Variants in MACROD2 observed in about 807,000 individuals in gnomAD.
The protein encoded by MACROD2 is mono-ADP ribosylhydrolase 2, also known as ADP-ribose glycohydrolase MACROD2.
A neutral mutation model predicts 70.4 loss-of-function variants in MACROD2; 36 were observed. That is an observed-to-expected ratio of 0.51 (90% CI 0.39 to 0.68). The LOEUF is 0.68. Among genes scored for constraint, MACROD2 ranks in the 30% least tolerant of loss-of-function variants. The pLI is 0.00. For missense variants in MACROD2, 496 were observed against 538.4 expected, an observed-to-expected ratio of 0.92 and a Z score of 0.78; for synonymous variants, 172 against 178.8, an observed-to-expected ratio of 0.96 and a Z score of 0.30.
rs1011979359 is a variant in MACROD2, at chr20:14,478,659, T to C, written c.272-14820T>C. 5.6e-4 allele frequency among the ~76,000 whole-genome samples: 85 copies of C among 152,150 alleles called. 1 individual carries two copies. Among genetic ancestry groups the C allele is most frequent in the Non-Finnish European group, 1.9e-4 (13 of 68,036 alleles). On this transcript the variant is annotated intron_variant, in intron 3 of 17. Coordinates refer to ENST00000684519, the MANE Select transcript of MACROD2 (RefSeq NM_001351661.2). ...AGGGCCTACTCTCTTTCTCAACTTC[T>C]GGGATCTTTTGGTTTTGTCCCATGG...
intron 4 of MACROD2, among the ~76,000 whole-genome samples, chr20:14,625,407 A>G (rs1235830790): frequency 6.6e-6 from 1 of 152,172 alleles, no homozygotes; most frequent in Admixed American, 6.6e-5. Context: ...TTGAATGGTC[A>G]TGAAGTGTGA....
At chr20:14,436,629 G>A (rs1420163225) in intron 3 of MACROD2, among the ~76,000 whole-genome samples, 1 of 152,156 alleles carries the variant, frequency 6.6e-6, no homozygotes, top group African/African-American at 2.4e-5. Flanking sequence ...CACTCTACAC[G>A]TATGTGACAT....
At chr20:14,687,988 C>T (rs1180654627) in intron 5 of MACROD2, among the ~76,000 whole-genome samples, 1 of 152,108 alleles carries the variant, frequency 6.6e-6, no homozygotes. Flanking sequence ...TTCATTTTCC[C>T]TTTCCCTATC....
chr20:14,871,889 G>T (rs2073492331), intron 5 of MACROD2, among the ~76,000 whole-genome samples: 1 of 151,770 alleles, frequency 6.6e-6, no homozygotes, highest in African/African-American at 2.4e-5. Flanking sequence ...CTGACAAAAT[G>T]GACTTTAAAC....
In MACROD2 at chr20:14,083,735, C is replaced by T. The variant is rs180826015; in HGVS notation, c.164-1886C>T. Among the ~76,000 whole-genome samples, 6 of 152,158 alleles carry T rather than the reference C, an allele frequency of 3.9e-5. No individual in the cohort carries two copies. The East Asian group carries it at 7.8e-4, about 20-fold the overall frequency. On this transcript the variant is annotated intron_variant, in intron 2 of 17. Transcript: ENST00000684519. ...ATGTCATTAACATACAAGTTGCCCA[C>T]ATTATTCTCCTTGTCATTATTACTA...
intron 5 of MACROD2, among the ~76,000 whole-genome samples, chr20:14,715,664 TG>T (rs1209587862): frequency 6.6e-6 from 1 of 152,118 alleles, no homozygotes; most frequent in African/African-American, 2.4e-5. Context: ...TGTTCAGACA[TG>T]GTCAAGCTCT....
chr20:14,028,524 G>A (rs140616180), intron 2 of MACROD2, among the ~76,000 whole-genome samples: 1 of 152,286 alleles, frequency 6.6e-6, no homozygotes, highest in African/African-American at 2.4e-5. Context: ...ACCCAGTTTT[G>A]TGCTTGAAAC....
At chr20:15,281,324 C>T (rs1297814485) in intron 6 of MACROD2, among the ~76,000 whole-genome samples, 1 of 152,176 alleles carries the variant, frequency 6.6e-6, no homozygotes, top group African/African-American at 2.4e-5. Context: ...CCCAAAGTCT[C>T]AACTAATTTC....
At chr20:14,888,865 G>A (rs991903535) in intron 5 of MACROD2, among the ~76,000 whole-genome samples, 2 of 152,090 alleles carry the variant, frequency 1.3e-5, no homozygotes, top group African/African-American at 4.8e-5. Context: ...ATTCTTTCCA[G>A]TATCATAACA....
intron 1 of MACROD2, 134 bp from the exon 2 acceptor site, chr20:14,002,154 C>T (rs2052740575): frequency 6.7e-6 from 3 of 447,932 alleles, no homozygotes; most frequent in Non-Finnish European, 1.2e-5. Context: ...TATGGAGTCA[C>T]TGGATTTGCA....
Position 15,160,364 on chromosome 20 carries a change from G to A in MACROD2, c.419-69576G>A, listed in dbSNP as rs79782561. Among the ~76,000 whole-genome samples the A allele has an allele frequency of 3.3e-5, 5 of 152,164 alleles. No homozygotes were observed. The South Asian group carries it at 1.0e-3, about 32-fold the overall frequency. ...AGGAGCTGTAGACAACAATTCCAAA[G>A]TTTCAACTAAAAACATTGTAGAAAC... is the stretch of plus-strand genomic sequence containing the variant. On this transcript the variant is annotated intron_variant, in intron 5 of 17. Transcript: ENST00000684519.
chr20:15,069,470 G>C (rs2075602315), intron 5 of MACROD2, among the ~76,000 whole-genome samples: 1 of 152,202 alleles, frequency 6.6e-6, no homozygotes, highest in Admixed American at 6.5e-5. Flanking sequence ...GGCCTTGAAG[G>C]CATTTCAGAA....
chr20:14,738,431 G>A (rs2123714811), intron 5 of MACROD2, among the ~76,000 whole-genome samples: 1 of 151,918 alleles, frequency 6.6e-6, no homozygotes, highest in African/African-American at 2.4e-5. Flanking sequence ...TACCCTATCT[G>A]AAACCAAAAA....
chr20:14,735,842 C>T (rs4814321), intron 5 of MACROD2, among the ~76,000 whole-genome samples: 5 of 151,898 alleles, frequency 3.3e-5, no homozygotes, highest in Admixed American at 6.6e-5. Context: ...GAGCCAGACT[C>T]GGACTCAAAA....
At chr20:14,058,623 T>C (rs2053657722) in intron 2 of MACROD2, among the ~76,000 whole-genome samples, 1 of 151,396 alleles carries the variant, frequency 6.6e-6, no homozygotes, top group African/African-American at 2.4e-5. Context: ...ATTTTTCTTT[T>C]TCTTTTTCTT....
At chr20:15,078,111 G>T (rs1303786059) in intron 5 of MACROD2, among the ~76,000 whole-genome samples, 1 of 152,156 alleles carries the variant, frequency 6.6e-6, no homozygotes, top group South Asian at 2.1e-4. Context: ...TGAGCTTGGG[G>T]AGTTTATCGG....
intron 8 of MACROD2, among the ~76,000 whole-genome samples, chr20:15,541,396 T>G (rs943439620): frequency 6.6e-6 from 1 of 152,094 alleles, no homozygotes; most frequent in Non-Finnish European, 1.5e-5. Flanking sequence ...AAGGGCCAAG[T>G]AGAAAAAATA....
chr20:14,264,471 G>T (rs1238002672), intron 3 of MACROD2, among the ~76,000 whole-genome samples: 38 of 152,306 alleles, frequency 2.5e-4, no homozygotes, highest in Non-Finnish European at 1.0e-4. Context: ...GAAGTCAGCA[G>T]TGATTATAAC....
chr20:14,018,413 A>AT (rs1221968933), intron 2 of MACROD2, among the ~76,000 whole-genome samples: 1 of 151,910 alleles, frequency 6.6e-6, no homozygotes, highest in East Asian at 1.9e-4. Flanking sequence ...ATAGCTCTAA[A>AT]TTTTCTCTTA....
Sources: gnomAD v4.1 joint callset for allele counts (sites outside exome capture counted in the v4.1 genomes callset) on GRCh38, gnomAD v4.1.1 for gene constraint, MANE v1.5 for transcripts, NCBI Gene and HGNC (gene_info 2026-07-23, HGNC 2026-07-21) for gene names.